The following SYNJ1 variants were observed in gnomAD, a reference collection of about 807,000 sequenced individuals.
SYNJ1 encodes synaptojanin 1.
SYNJ1 carries 78 observed loss-of-function variants against 168.2 expected under a neutral mutation model. That is an observed-to-expected ratio of 0.46 (90% CI 0.39 to 0.56). The LOEUF (loss-of-function observed/expected upper bound fraction) is 0.56. Among genes scored for constraint, SYNJ1 ranks in the 20% least tolerant of loss-of-function variants. The pLI, the probability that SYNJ1 is intolerant of heterozygous loss-of-function variation, is 0.00. For missense variants in SYNJ1, 1,303 were observed against 1,597.6 expected, an observed-to-expected ratio of 0.82 and a Z score of 3.14; for synonymous variants, 539 against 548.6, an observed-to-expected ratio of 0.98 and a Z score of 0.24.
chr21:32,651,686 G>C (rs966365561), intron 22 of SYNJ1, among the ~76,000 whole-genome samples: 4 of 152,074 alleles, frequency 2.6e-5, no homozygotes, highest in Non-Finnish European at 5.9e-5. Flanking sequence ...GTAGAGACCA[G>C]GGCCAAATGA....
At position 32,643,445 on chromosome 21, in the gene SYNJ1, G is replaced by A. The variant is rs1486661372; in HGVS notation, c.3443C>T (p.Pro1148Leu). 1 of 1,613,738 alleles carries A rather than the reference G, an allele frequency of 6.2e-7. No homozygotes were observed. The highest frequency in any genetic ancestry group is 1.1e-5 in the South Asian group (1 of 91,030). Reference sequence around the variant, plus strand: ...TCTCCTAGCTACCCCAGGACTGGGAGGGGCTCCAATACCTTTTTAGAGAAA... The same window carrying A: ...TCTCCTAGCTACCCCAGGACTGGGAAGGGCTCCAATACCTTTTTAGAGAAA... Reference protein sequence around the residue: ...TRKEFGGIGAPPSPGVARREM... With the variant: ...TRKEFGGIGALPSPGVARREM... Residue 1148 changes from proline (P) to leucine (L), a missense_variant, in exon 27 of 33, where the codon CCT becomes CTT. Transcript: ENST00000674351.
chr21:32,631,079 G>A lies in SYNJ1; in HGVS notation c.*726C>T. 1 of 1,614,188 alleles carries A rather than the reference G, an allele frequency of 6.2e-7. No homozygotes were observed. The highest frequency in any genetic ancestry group is 8.5e-7 in the Non-Finnish European group (1 of 1,180,034). On this transcript the variant is annotated 3_prime_UTR_variant, in exon 33 of 33. Transcript: ENST00000674351. ...CTACTGGAGGGCTGGTGCCGGGCGGGAGCAGAGGGACAGGAGGTGGAGGAG... is the reference window on the plus strand; with the variant it reads ...CTACTGGAGGGCTGGTGCCGGGCGGAAGCAGAGGGACAGGAGGTGGAGGAG...
chr21:32,645,631 A>T lies in SYNJ1; in HGVS notation c.3391+15T>A, dbSNP rs754412906. The T allele has an allele frequency of 2.6e-6, 4 of 1,520,992 alleles. No individual in the cohort carries two copies. The highest frequency in any genetic ancestry group is 3.5e-6 in the Non-Finnish European group (4 of 1,142,098). The allele number at this position is 1,520,992 out of a possible 1,614,324, so 94.2% of individuals were successfully genotyped here. On this transcript the variant is annotated intron_variant, in intron 25 of 32. Coordinates refer to ENST00000674351, the MANE Select transcript of SYNJ1 (RefSeq NM_203446.3). ...AATTTTACATCTAGCAGAAATGGAA[A>T]TAAAAGGTTGTCACCTGAAGGCGGA... is the stretch of plus-strand genomic sequence containing the variant.
At chr21:32,702,266 C>T (rs1339873763) in intron 2 of SYNJ1, among the ~76,000 whole-genome samples, 1 of 152,198 alleles carries the variant, frequency 6.6e-6, no homozygotes, top group African/African-American at 2.4e-5. Context: ...GTCCACTGAT[C>T]TGAACTCTGT....
chr21:32,651,507 G>C (rs1196016500), intron 22 of SYNJ1, among the ~76,000 whole-genome samples: 1 of 152,132 alleles, frequency 6.6e-6, no homozygotes, highest in South Asian at 2.1e-4. Context: ...GTAGATATGA[G>C]TACTAAAATC....
intron 22 of SYNJ1, among the ~76,000 whole-genome samples, chr21:32,651,530 GA>G (rs1002405339): frequency 1.3e-5 from 2 of 152,124 alleles, no homozygotes; most frequent in African/African-American, 4.8e-5. Context: ...TCCAATTTCA[GA>G]ACTTAACACG....
chr21:32,637,152 C>A (rs531567063), intron 31 of SYNJ1, among the ~76,000 whole-genome samples: 2 of 152,242 alleles, frequency 1.3e-5, no homozygotes, highest in Admixed American at 1.3e-4. Context: ...GACACTTAAA[C>A]CATCAGAGTT....
chr21:32,699,983 C>A lies in SYNJ1; in HGVS notation c.334G>T (p.Asp112Tyr), dbSNP rs762479235. Residue 112 changes from aspartate to tyrosine, a missense_variant, in exon 4 of 33, where the codon GAT becomes TAT. By Grantham distance (160) the Asp-to-Tyr change is radical. Transcript: ENST00000674351. ...EFISLRIDSS[D>Y]EDRISEVRKV... ...CGCACTTCTGAAATGCGATCCTCATCTGAAGAATCGATTCGCAGTGATATA... is the reference window on the plus strand; with the variant it reads ...CGCACTTCTGAAATGCGATCCTCATATGAAGAATCGATTCGCAGTGATATA... 6.2e-7 allele frequency: 1 copy of A among 1,614,194 alleles called. No homozygotes were observed. The highest frequency in any genetic ancestry group is 1.7e-5 in the Admixed American group (1 of 60,024).
chr21:32,665,384 G>A (rs2040885642), intron 17 of SYNJ1, among the ~76,000 whole-genome samples: 1 of 152,160 alleles, frequency 6.6e-6, no homozygotes, highest in African/African-American at 2.4e-5. Flanking sequence ...ACAAAGTATA[G>A]ACTGAACTCA....
chr21:32,724,449 C>T (rs1163139307), intron 2 of SYNJ1, among the ~76,000 whole-genome samples: 1 of 152,214 alleles, frequency 6.6e-6, no homozygotes, highest in Non-Finnish European at 1.5e-5. Flanking sequence ...GATCATGCCA[C>T]TGCACTCCAG....
Position 32,713,784 on chromosome 21 carries a change from A to C in SYNJ1, c.125-11737T>G, listed in dbSNP as rs574219991. The stretch of plus-strand genomic sequence containing the variant: ...AACATGGATGATTTCCCATATGTCA[A>C]CATGGATGATTTCATTGAGTGAAAG... On this transcript the variant is annotated intron_variant, in intron 2 of 32. Coordinates refer to ENST00000674351, the MANE Select transcript of SYNJ1 (RefSeq NM_203446.3). Among the ~76,000 whole-genome samples, 3 of 152,370 alleles carry C rather than the reference A, an allele frequency of 2.0e-5. No homozygotes were observed. In the East Asian group the frequency reaches 5.8e-4, roughly 29 times the overall value.
At chr21:32,649,852 C>A (rs756472574) in intron 23 of SYNJ1, among the ~76,000 whole-genome samples, 5 of 152,110 alleles carry the variant, frequency 3.3e-5, no homozygotes, top group Non-Finnish European at 5.9e-5. Flanking sequence ...TGGGTTCATG[C>A]GATTCTCCTG....
At position 32,629,483 on chromosome 21, in the gene SYNJ1, T is replaced by C. The variant is rs2039240360; in HGVS notation, c.*2322A>G. 1 of 152,678 alleles carries C rather than the reference T, an allele frequency of 6.5e-6. No individual in the cohort carries two copies. Among genetic ancestry groups the C allele is most frequent in the African/African-American group, 2.4e-5 (1 of 41,468 alleles). 9.5% of individuals were successfully genotyped at this position (152,678 alleles called of 1,614,324 possible). On this transcript the variant is annotated 3_prime_UTR_variant, in exon 33 of 33. Coordinates refer to ENST00000674351, the MANE Select transcript of SYNJ1 (RefSeq NM_203446.3). ...AGCATTTAGAAAAATGCTTTTTTTCTAATAGATTTGCTTTATAAGTGCAGT... is the reference window on the plus strand; with the variant it reads ...AGCATTTAGAAAAATGCTTTTTTTCCAATAGATTTGCTTTATAAGTGCAGT...
At chr21:32,665,796 T>C (rs1480068233) in intron 17 of SYNJ1, 147 bp downstream of exon 17, 2 of 878,364 alleles carry the variant, frequency 2.3e-6, no homozygotes, top group Non-Finnish European at 3.3e-6. Context: ...ATATTTTGGG[T>C]TAATACTCAT....
At chr21:32,646,182 T>C (rs576347049) in intron 24 of SYNJ1, among the ~76,000 whole-genome samples, 66 of 152,240 alleles carry the variant, frequency 4.3e-4, no homozygotes, top group African/African-American at 1.5e-3. Flanking sequence ...CCTAACCACA[T>C]AGAAAAAAGA....
At chr21:32,712,345 G>GTA (rs1211924416) in intron 2 of SYNJ1, among the ~76,000 whole-genome samples, 2 of 152,166 alleles carry the variant, frequency 1.3e-5, no homozygotes, top group Admixed American at 1.3e-4. Context: ...AAGAAAAAGA[G>GTA]TAGAGATTAG....
At chr21:32,649,557 C>A (rs1366037089) in intron 23 of SYNJ1, among the ~76,000 whole-genome samples, 1 of 152,156 alleles carries the variant, frequency 6.6e-6, no homozygotes, top group African/African-American at 2.4e-5. Context: ...TTAGAATACC[C>A]TTTTGGAACT....
Position 32,651,239 on chromosome 21 carries a change from C to T in SYNJ1, c.2875-893G>A, listed in dbSNP as rs1474134241. ...TGTTTGAAGAGTTTCTTAATGTGAA[C>T]AAGATGTGAATATTTTTGGTATTTG... On this transcript the variant is annotated intron_variant, in intron 22 of 32. Transcript: ENST00000674351. Among the ~76,000 whole-genome samples the T allele has an allele frequency of 2.0e-5, 3 of 152,184 alleles. No homozygotes were observed. The East Asian group carries it at 5.8e-4, about 29-fold the overall frequency.
In SYNJ1 at chr21:32,673,549, C is replaced by T. The variant is rs1170021366; in HGVS notation, c.1535-18G>A. The T allele has an allele frequency of 6.4e-7, 1 of 1,563,912 alleles. No individual in the cohort carries two copies. The highest frequency in any genetic ancestry group is 8.7e-7 in the Non-Finnish European group (1 of 1,154,680). On this transcript the variant is annotated intron_variant, in intron 13 of 32. Coordinates refer to ENST00000674351, the MANE Select transcript of SYNJ1 (RefSeq NM_203446.3). ...AGAAGATGCTAATCAAGAGAAGACA[C>T]AATAGAATTTTAGCTGCATCAAACC...
Sources: gnomAD v4.1 joint callset for allele counts (sites outside exome capture counted in the v4.1 genomes callset) on GRCh38, gnomAD v4.1.1 for gene constraint, MANE v1.5 for transcripts, NCBI Gene and HGNC (gene_info 2026-07-23, HGNC 2026-07-21) for gene names.